FRMD4A: variants seen among roughly 807,000 people sequenced by gnomAD.
FRMD4A encodes the protein FERM domain containing 4A.
FRMD4A carries 29 observed loss-of-function variants against 129.1 expected under a neutral mutation model. The ratio of observed to expected loss-of-function variants is 0.22; its 90% CI spans 0.17 to 0.31. The LOEUF (loss-of-function observed/expected upper bound fraction) is 0.31, where lower values mean the gene tolerates loss of function less well. FRMD4A is among the 10% of genes least tolerant of loss of function. The pLI, the probability that FRMD4A is intolerant of heterozygous loss-of-function variation, is 1.00. For missense variants in FRMD4A, 1,272 were observed against 1,375.8 expected, an observed-to-expected ratio of 0.92 and a Z score of 1.19; for synonymous variants, 634 against 571.6, an observed-to-expected ratio of 1.11 and a Z score of -1.56.
chr10:14,266,181 T>TC (rs35265309), intron 2 of FRMD4A, among the ~76,000 whole-genome samples: 1 of 151,958 alleles, frequency 6.6e-6, no homozygotes, highest in East Asian at 1.9e-4. Flanking sequence ...GGTGGGGCTT[T>TC]CCCGTGCATT....
intron 2 of FRMD4A, among the ~76,000 whole-genome samples, chr10:14,328,583 A>G (rs1482384266): frequency 6.7e-6 from 1 of 149,840 alleles, no homozygotes; most frequent in African/African-American, 2.5e-5. Context: ...ACGATGCAGG[A>G]TTTATTTCTG....
chr10:13,794,162 C>A (rs537882656), intron 5 of FRMD4A, among the ~76,000 whole-genome samples: 1 of 151,930 alleles, frequency 6.6e-6, no homozygotes, highest in African/African-American at 2.4e-5. Flanking sequence ...GAGGCCGAGG[C>A]GGATGGATCA....
chr10:13,792,899 G>A (rs1187951453), intron 5 of FRMD4A, among the ~76,000 whole-genome samples: 1 of 152,228 alleles, frequency 6.6e-6, no homozygotes, highest in Non-Finnish European at 1.5e-5. Context: ...AATGCTTATA[G>A]AGGAGATGCT....
Position 13,666,244 on chromosome 10 carries a change from G to A in FRMD4A, c.1456C>T (p.Pro486Ser). 1 of 1,614,018 alleles carries A rather than the reference G, an allele frequency of 6.2e-7. No homozygotes were observed. Among genetic ancestry groups the A allele is most frequent in the Non-Finnish European group, 8.5e-7 (1 of 1,179,912 alleles). Residue 486 changes from proline to serine, a missense_variant, in exon 18 of 25, where the codon CCC (proline) becomes TCC (serine). This residue lies in a region of FRMD4A where 972 missense variants were observed against 892.3 expected (regional missense o/e 1.09). Transcript: ENST00000357447. ...TEAARRLASDPNVSKKLKKQR... is the reference protein window; with the variant it reads ...TEAARRLASDSNVSKKLKKQR... ...TTCTTCAGTTTTTTGCTGACGTTGG[G>A]GTCACTGGCTAGGCGGCGGGCGGCC...
chr10:13,980,649 G>A (rs1014233598), intron 2 of FRMD4A, among the ~76,000 whole-genome samples: 1 of 152,214 alleles, frequency 6.6e-6, no homozygotes, highest in African/African-American at 2.4e-5. Flanking sequence ...GACCCTGGGA[G>A]TGAGAGGCTA....
At chr10:13,936,003 G>A (rs1469243425) in intron 2 of FRMD4A, among the ~76,000 whole-genome samples, 1 of 152,184 alleles carries the variant, frequency 6.6e-6, no homozygotes, top group Non-Finnish European at 1.5e-5. Flanking sequence ...AATGTGTTTG[G>A]CACAAGAGGG....
intron 2 of FRMD4A, among the ~76,000 whole-genome samples, chr10:14,312,831 A>C (rs1398310130): frequency 6.6e-6 from 1 of 152,084 alleles, no homozygotes; most frequent in African/African-American, 2.4e-5. Flanking sequence ...ACGCCACTGC[A>C]CTCTAGCTTG....
intron 2 of FRMD4A, among the ~76,000 whole-genome samples, chr10:14,012,776 TCCAATCTTTTGCCCAGTGC>T (rs1201508569): frequency 1.3e-5 from 2 of 152,158 alleles, no homozygotes; most frequent in African/African-American, 4.8e-5. Context: ...CAACTATTTG[TCCAATCTTTTGCCCAGTGC>T]CTGAAATTAC....
chr10:13,708,390 A>G (rs570206261), intron 12 of FRMD4A, among the ~76,000 whole-genome samples: 1 of 152,330 alleles, frequency 6.6e-6, no homozygotes, highest in South Asian at 2.1e-4. Flanking sequence ...GGGCTGGAAT[A>G]AAAACTGCTT....
At chr10:13,658,752 G>A (rs1010594782) in intron 21 of FRMD4A, among the ~76,000 whole-genome samples, 2 of 151,978 alleles carry the variant, frequency 1.3e-5, no homozygotes, top group Non-Finnish European at 2.9e-5. Flanking sequence ...CGTGGTGGTA[G>A]GTGCCTGTAA....
intron 2 of FRMD4A, among the ~76,000 whole-genome samples, chr10:14,255,149 A>C (rs1479221517): frequency 2.0e-5 from 3 of 152,252 alleles, no homozygotes; most frequent in Non-Finnish European, 4.4e-5. Flanking sequence ...CATTACCTGC[A>C]AAAATGATAG....
At chr10:14,262,902 TCTC>T (rs750154673) in intron 2 of FRMD4A, among the ~76,000 whole-genome samples, 14 of 152,194 alleles carry the variant, frequency 9.2e-5, no homozygotes, top group Non-Finnish European at 1.9e-4. Context: ...ACTGAATAGT[TCTC>T]CTACTCGCCA....
chr10:14,113,185 T>C (rs1000104356), intron 2 of FRMD4A, among the ~76,000 whole-genome samples: 3 of 152,210 alleles, frequency 2.0e-5, no homozygotes, highest in African/African-American at 7.2e-5. Context: ...ATACATCGTT[T>C]AAAAGTTATA....
chr10:14,085,806 T>C (rs930454698), intron 2 of FRMD4A, among the ~76,000 whole-genome samples: 3 of 152,218 alleles, frequency 2.0e-5, no homozygotes, highest in African/African-American at 7.2e-5. Flanking sequence ...CTTGGAGGGA[T>C]CTGCATTACT....
intron 9 of FRMD4A, among the ~76,000 whole-genome samples, chr10:13,746,393 T>C (rs1008577903): frequency 1.3e-5 from 2 of 152,114 alleles, no homozygotes; most frequent in African/African-American, 4.8e-5. Flanking sequence ...TTTTGTATTT[T>C]TAGTAGAGAC....
intron 2 of FRMD4A, among the ~76,000 whole-genome samples, chr10:14,278,239 A>G (rs560315331): frequency 6.6e-6 from 1 of 152,298 alleles, no homozygotes; most frequent in Admixed American, 6.5e-5. Flanking sequence ...CTGCATTTGC[A>G]AAGATATAAC....
At position 13,816,099 on chromosome 10, in the gene FRMD4A, C is replaced by T. The variant is rs931411586; in HGVS notation, c.112-5191G>A. 3.9e-4 allele frequency among the ~76,000 whole-genome samples: 59 copies of T among 152,308 alleles called. 1 individual carries two copies. Among genetic ancestry groups the T allele is most frequent in the African/African-American group, 1.4e-3 (58 of 41,568 alleles). On this transcript the variant is annotated intron_variant, in intron 3 of 24. Transcript: ENST00000357447. ...CAATTGTACCTATCTGGATTTATAT[C>T]TTTTGTTAAAAAATTTAAAAGGTCA... is the stretch of plus-strand genomic sequence containing the variant.
At chr10:13,797,424 C>T (rs1157677977) in intron 4 of FRMD4A, among the ~76,000 whole-genome samples, 2 of 152,080 alleles carry the variant, frequency 1.3e-5, no homozygotes, top group South Asian at 4.1e-4. Context: ...CAGAGGGGAA[C>T]CACTTTCCAG....
At chr10:14,258,523 T>G (rs1488263052) in intron 2 of FRMD4A, among the ~76,000 whole-genome samples, 1 of 152,200 alleles carries the variant, frequency 6.6e-6, no homozygotes, top group Non-Finnish European at 1.5e-5. Context: ...CTATCCGAAT[T>G]GTTAAAGTTG....
Sources: allele counts gnomAD v4.1 joint callset (sites outside exome capture counted in the v4.1 genomes callset), GRCh38; gene constraint gnomAD v4.1.1; regional missense constraint gnomAD v4.1.1; transcripts MANE v1.5; gene names NCBI Gene and HGNC (gene_info 2026-07-23, HGNC 2026-07-21).